COL4A4: variants seen among roughly 807,000 people sequenced by gnomAD.
COL4A4 encodes the protein collagen type IV alpha 4 chain.
Under a neutral mutation model 192.9 loss-of-function variants are expected in COL4A4, and 105 were observed. That is an observed-to-expected ratio of 0.54 (90% confidence interval 0.46 to 0.64). COL4A4 has a LOEUF of 0.64. Among genes scored for constraint, COL4A4 ranks in the 30% least tolerant of loss-of-function variants. The pLI is 0.00. For missense variants in COL4A4, 1,967 were observed against 2,169.3 expected, an observed-to-expected ratio of 0.91 and a Z score of 1.85; for synonymous variants, 762 against 769.9, an observed-to-expected ratio of 0.99 and a Z score of 0.17.
chr2:227,101,520 C>T lies in COL4A4; in HGVS notation c.1013G>A (p.Gly338Glu). 1 of 1,611,978 alleles carries T rather than the reference C, an allele frequency of 6.2e-7. No homozygotes were observed. The highest frequency in any genetic ancestry group is 8.5e-7 in the Non-Finnish European group (1 of 1,178,916). ...LGLVGDPGLF[G>E]LIGPKGDPGN... ...ACTTTTTACCTTTGGGCCAATTAAT[C>T]CAAATAGCCCAGGATCTCCAACCAG... is the stretch of plus-strand genomic sequence containing the variant. Residue 338 changes from glycine to glutamate, a missense_variant, in exon 17 of 48, where the codon GGA (glycine) becomes GAA (glutamate). Coordinates refer to ENST00000396625, the MANE Select transcript of COL4A4 (RefSeq NM_000092.5).
intron 47 of COL4A4, 63 bp downstream of exon 47, chr2:227,007,955 A>G: frequency 1.3e-6 from 2 of 1,572,914 alleles, no homozygotes; most frequent in South Asian, 2.2e-5. Flanking sequence ...CCAGAGAGAA[A>G]TGGCGGGAGA....
chr2:226,978,506 C>T, the COL4A4 span, among the ~76,000 whole-genome samples: 4 of 152,280 alleles, frequency 2.6e-5, no homozygotes, highest in South Asian at 2.1e-4. Flanking sequence ...TGCCCACCTA[C>T]GTCGAGCCTC....
rs576966557 is a variant in COL4A4, at chr2:227,143,260, T to C, written c.114+1256A>G. On this transcript the variant is annotated intron_variant, in intron 3 of 47. Coordinates refer to ENST00000396625, the MANE Select transcript of COL4A4 (RefSeq NM_000092.5). The stretch of plus-strand genomic sequence containing the variant: ...GAAGGAAATTTAGGGAGCTCCCTTC[T>C]GTCTATACTGAACACTACCCTGAAA... Among the ~76,000 whole-genome samples the C allele has an allele frequency of 4.2e-4, 64 of 152,356 alleles. No individual in the cohort carries two copies. In the South Asian group the frequency reaches 0.012, roughly 29 times the overall value.
chr2:227,140,505 A>C (rs2063131119), intron 3 of COL4A4, among the ~76,000 whole-genome samples: 1 of 152,210 alleles, frequency 6.6e-6, no homozygotes, highest in South Asian at 2.1e-4. Flanking sequence ...AATCTTCTGC[A>C]GTTTCTCCCT....
intron 44 of COL4A4, among the ~76,000 whole-genome samples, chr2:227,013,527 G>A (rs981359750): frequency 6.6e-6 from 1 of 152,148 alleles, no homozygotes; most frequent in Non-Finnish European, 1.5e-5. Context: ...CATGTCCCTG[G>A]AATGGCACAG....
At chr2:226,981,858 T>C in the COL4A4 span, among the ~76,000 whole-genome samples, 2 of 152,222 alleles carry the variant, frequency 1.3e-5, no homozygotes, top group Non-Finnish European at 2.9e-5. Flanking sequence ...CCTGCTTGTT[T>C]GTGCATTTCT....
chr2:227,144,112 T>G (rs771111193), intron 3 of COL4A4, among the ~76,000 whole-genome samples: 6 of 152,096 alleles, frequency 3.9e-5, no homozygotes, highest in Non-Finnish European at 8.8e-5. Context: ...TGAGGGTGAG[T>G]TTAATGACTG....
intron 44 of COL4A4, among the ~76,000 whole-genome samples, chr2:227,016,358 T>A (rs1964857632): frequency 6.6e-6 from 1 of 152,158 alleles, no homozygotes; most frequent in Non-Finnish European, 1.5e-5. Flanking sequence ...TGTATGGATA[T>A]CACACTGAAT....
At chr2:227,024,327 A>C (rs1006026854) in intron 43 of COL4A4, among the ~76,000 whole-genome samples, 3 of 152,206 alleles carry the variant, frequency 2.0e-5, no homozygotes, top group Non-Finnish European at 2.9e-5. Flanking sequence ...CCTGGGCAAC[A>C]GGGCGAAGCC....
chr2:227,040,248 T>A (rs1421666219), intron 37 of COL4A4, among the ~76,000 whole-genome samples: 1 of 152,116 alleles, frequency 6.6e-6, no homozygotes, highest in Non-Finnish European at 1.5e-5. Context: ...CAAAGGCAGG[T>A]GGAAGGAGAA....
chr2:227,160,861 G>T (rs1294992834), intron 1 of COL4A4, among the ~76,000 whole-genome samples: 1 of 152,190 alleles, frequency 6.6e-6, no homozygotes, highest in Non-Finnish European at 1.5e-5. Flanking sequence ...GGCAAGAAAT[G>T]ATATGAGTTG....
chr2:227,012,632 C>A (rs1457308673), intron 44 of COL4A4, among the ~76,000 whole-genome samples: 1,405 of 109,402 alleles, frequency 0.013, no homozygotes, highest in South Asian at 0.016. Flanking sequence ...TATTTGACTT[C>A]AAAAAAAAAA....
In COL4A4 at chr2:227,041,812, G is replaced by GA. The variant is rs1180659870; in HGVS notation, c.3505+335dup. On this transcript the variant is annotated intron_variant, in intron 37 of 47. Transcript: ENST00000396625. ...GGAAAGAAAGAAAGAAAGGAAGAAA[G>GA]AAAGAAAGAAAGAAAGAAAGAAAGA... Among the ~76,000 whole-genome samples, 41 of 29,608 alleles carry GA rather than the reference G, an allele frequency of 1.4e-3. 1 individual carries two copies. The highest frequency in any genetic ancestry group is 7.9e-3 in the African/African-American group (36 of 4,536). 19.4% of individuals were successfully genotyped at this position (29,608 alleles called of 152,430 possible).
At chr2:227,140,342 G>A in intron 3 of COL4A4, 104 bp from the exon 4 acceptor site, 1 of 876,442 alleles carries the variant, frequency 1.1e-6, no homozygotes, top group Non-Finnish European at 1.9e-6. Flanking sequence ...TTGACTCCAT[G>A]AGAAGAAAAG....
rs73089523 is a variant in COL4A4 at position 227,029,043 on chromosome 2, A to T, written c.3974-1034T>A. Reference sequence around the variant, plus strand: ...TGCAGGTGCCTAAGAGATATTTGTCACTGTGTAAGTCATAAAAGGTAACTG... The same window carrying T: ...TGCAGGTGCCTAAGAGATATTTGTCTCTGTGTAAGTCATAAAAGGTAACTG... On this transcript the variant is annotated intron_variant, in intron 41 of 47. Transcript: ENST00000396625. Among the ~76,000 whole-genome samples, 622 of 152,304 alleles carry T rather than the reference A, an allele frequency of 4.1e-3. 6 individuals carry two copies. The highest frequency in any genetic ancestry group is 0.014 in the African/African-American group (586 of 41,578).
chr2:227,124,173 G>A (rs1241211199), intron 4 of COL4A4, among the ~76,000 whole-genome samples: 3 of 152,130 alleles, frequency 2.0e-5, no homozygotes, highest in Non-Finnish European at 4.4e-5. Context: ...CTAAATAGAT[G>A]TTTATAAATG....
At chr2:227,106,062 G>A (rs1393562704) in intron 12 of COL4A4, among the ~76,000 whole-genome samples, 1 of 146,508 alleles carries the variant, frequency 6.8e-6, no homozygotes, top group Non-Finnish European at 1.5e-5. Flanking sequence ...AAAAAAAAGA[G>A]TTCAATTTCT....
chr2:227,075,237 T>C (rs1252716987), intron 25 of COL4A4, among the ~76,000 whole-genome samples: 1 of 152,176 alleles, frequency 6.6e-6, no homozygotes, highest in Admixed American at 6.5e-5. Flanking sequence ...TGAACCTTAA[T>C]GCAAAAACCC....
chr2:227,020,603 AAATTCAGTTCTGCTTCC>A (rs1293775540), intron 44 of COL4A4, among the ~76,000 whole-genome samples: 3 of 152,218 alleles, frequency 2.0e-5, no homozygotes, highest in Non-Finnish European at 2.9e-5. Context: ...AAGTGGTACA[AAATTCAGTTCTGCTTCC>A]AATTCCTGTG....
Sources: gnomAD v4.1 joint callset for allele counts (sites outside exome capture counted in the v4.1 genomes callset) on GRCh38, gnomAD v4.1.1 for gene constraint, MANE v1.5 for transcripts, NCBI Gene and HGNC (gene_info 2026-07-23, HGNC 2026-07-21) for gene names.